The following KCNIP1 variants were observed in gnomAD, a reference collection of about 807,000 sequenced individuals.
KCNIP1 encodes A-type potassium channel modulatory protein KCNIP1.
A neutral mutation model predicts 33.0 loss-of-function variants in KCNIP1; 18 were observed. The ratio of observed to expected loss-of-function variants is 0.55; its 90% CI spans 0.38 to 0.81. The LOEUF is 0.81. Among genes scored for constraint, KCNIP1 ranks in the 30% least tolerant of loss-of-function variants. KCNIP1 has a pLI of 0.00. For synonymous variants in KCNIP1, 93 were observed against 98.3 expected (o/e 0.95, Z 0.32); for missense variants, 238 against 271.6 (o/e 0.88, Z 0.87).
chr5:170,394,139 T>C (rs2113371007), intron 1 of KCNIP1, among the ~76,000 whole-genome samples: 1 of 152,278 alleles, frequency 6.6e-6, no homozygotes, highest in South Asian at 2.1e-4. Context: ...GTCTCCTCTG[T>C]CCTTGCCTCC....
At chr5:170,515,258 G>A (rs1195370639) in intron 1 of KCNIP1, among the ~76,000 whole-genome samples, 1 of 152,190 alleles carries the variant, frequency 6.6e-6, no homozygotes, top group Non-Finnish European at 1.5e-5. Context: ...AATGAGCATT[G>A]AATCTTGTCC....
chr5:170,638,358 T>C (rs1441961695), intron 1 of KCNIP1, among the ~76,000 whole-genome samples: 1 of 151,990 alleles, frequency 6.6e-6, no homozygotes, highest in African/African-American at 2.4e-5. Flanking sequence ...GCTCATGGAG[T>C]CCTCTCAGTC....
At chr5:170,613,255 T>A (rs1024613158) in intron 1 of KCNIP1, among the ~76,000 whole-genome samples, 1 of 152,204 alleles carries the variant, frequency 6.6e-6, no homozygotes, top group Non-Finnish European at 1.5e-5. Context: ...CCTGTGTGTG[T>A]CCATCGCTCC....
At chr5:170,507,029 G>A (rs746419593) in intron 1 of KCNIP1, among the ~76,000 whole-genome samples, 4 of 152,204 alleles carry the variant, frequency 2.6e-5, no homozygotes, top group Non-Finnish European at 5.9e-5. Context: ...TGGGGCCTCG[G>A]TTTCTTCTTT....
intron 1 of KCNIP1, among the ~76,000 whole-genome samples, chr5:170,638,349 C>T (rs1253923915): frequency 6.6e-6 from 1 of 152,148 alleles, no homozygotes; most frequent in African/African-American, 2.4e-5. Flanking sequence ...TGCATCGTAG[C>T]TCATGGAGTC....
intron 1 of KCNIP1, among the ~76,000 whole-genome samples, chr5:170,551,120 T>C (rs1336155401): frequency 6.6e-6 from 1 of 152,232 alleles, no homozygotes; most frequent in East Asian, 1.9e-4. Flanking sequence ...TTTTGTGTTC[T>C]TCTCTACTTG....
At chr5:170,416,466 G>A (rs1345096727) in intron 1 of KCNIP1, among the ~76,000 whole-genome samples, 1 of 152,132 alleles carries the variant, frequency 6.6e-6, no homozygotes, top group African/African-American at 2.4e-5. Context: ...CGTCATTCCT[G>A]GTCAAACCAT....
chr5:170,674,736 C>A (rs2135046), intron 1 of KCNIP1, among the ~76,000 whole-genome samples: 1 of 151,990 alleles, frequency 6.6e-6, no homozygotes, highest in Non-Finnish European at 1.5e-5. Context: ...ATGATTGTTC[C>A]GAGGGTTTTG....
At chr5:170,584,994 C>T (rs1174589719) in intron 1 of KCNIP1, among the ~76,000 whole-genome samples, 1 of 152,054 alleles carries the variant, frequency 6.6e-6, no homozygotes, top group East Asian at 1.9e-4. Flanking sequence ...CAGGCATTAT[C>T]CCATGTAACC....
At chr5:170,474,885 C>A (rs1756817773) in intron 1 of KCNIP1, among the ~76,000 whole-genome samples, 1 of 152,170 alleles carries the variant, frequency 6.6e-6, no homozygotes, top group Non-Finnish European at 1.5e-5. Flanking sequence ...AGAACAAACC[C>A]CCCACCGCGT....
chr5:170,396,571 G>A (rs987903667), intron 1 of KCNIP1, among the ~76,000 whole-genome samples: 1 of 152,182 alleles, frequency 6.6e-6, no homozygotes, highest in Non-Finnish European at 1.5e-5. Flanking sequence ...AGAAAGGCAG[G>A]ACATCTCAAA....
chr5:170,634,211 G>A (rs1380004376), intron 1 of KCNIP1, among the ~76,000 whole-genome samples: 1 of 152,172 alleles, frequency 6.6e-6, no homozygotes, highest in Admixed American at 6.5e-5. Context: ...GAAATATCGG[G>A]AACTTATGTT....
At chr5:170,601,925 G>C (rs373022007) in intron 1 of KCNIP1, among the ~76,000 whole-genome samples, 15 of 152,296 alleles carry the variant, frequency 9.8e-5, no homozygotes, top group Middle Eastern at 3.4e-3. Context: ...CAGGCAGCAG[G>C]GGACAGATGC....
At chr5:170,353,794 C>G in exon 1 of KCNIP1, 1 of 1,268,762 alleles carries the variant, frequency 7.9e-7, no homozygotes, top group Non-Finnish European at 1.1e-6. Flanking sequence ...TTCACCCAGG[C>G]AGGCTCCAAG....
intron 1 of KCNIP1, among the ~76,000 whole-genome samples, chr5:170,485,128 C>T (rs35453597): frequency 0.16 from 23,795 of 151,880 alleles, 2,119 homozygotes; most frequent in Non-Finnish European, 0.2. Context: ...TTAGTAGAGA[C>T]GGGATTTCTC....
chr5:170,451,301 T>G (rs1384457488), intron 1 of KCNIP1, among the ~76,000 whole-genome samples: 1 of 152,208 alleles, frequency 6.6e-6, no homozygotes, highest in Non-Finnish European at 1.5e-5. Flanking sequence ...GCACTAGTCC[T>G]TCTACCTTAT....
At chr5:170,698,749 G>A (rs1397859427) in intron 1 of KCNIP1, among the ~76,000 whole-genome samples, 1 of 152,112 alleles carries the variant, frequency 6.6e-6, no homozygotes, top group Admixed American at 6.6e-5. Context: ...GAAAAAGATT[G>A]TTAGTCATTG....
chr5:170,400,114 A>G (rs1310929427), intron 1 of KCNIP1, among the ~76,000 whole-genome samples: 2 of 152,172 alleles, frequency 1.3e-5, no homozygotes, highest in Non-Finnish European at 1.5e-5. Context: ...GCCTCTCGTG[A>G]GTGCCAGAAC....
intron 1 of KCNIP1, among the ~76,000 whole-genome samples, chr5:170,358,567 G>T (rs1177044201): frequency 1.3e-5 from 2 of 152,162 alleles, no homozygotes; most frequent in African/African-American, 2.4e-5. Context: ...CCAAGCCAAG[G>T]CTCCCCACTT....
Sources: allele counts gnomAD v4.1 joint callset (sites outside exome capture counted in the v4.1 genomes callset), GRCh38; gene constraint gnomAD v4.1.1; transcripts MANE v1.5; gene names NCBI Gene and HGNC (gene_info 2026-07-23, HGNC 2026-07-21).